The following NAP1L4 variants were observed in gnomAD, a reference collection of about 807,000 sequenced individuals.
The protein encoded by NAP1L4 is nucleosome assembly protein 1-like 4.
A neutral mutation model predicts 58.2 loss-of-function variants in NAP1L4; 15 were observed. The observed-to-expected ratio is 0.26, with a 90% CI of 0.17 to 0.40. The LOEUF (loss-of-function observed/expected upper bound fraction) is 0.40, where lower values mean the gene tolerates loss of function less well. Ranked by LOEUF, NAP1L4 falls within the 10% of genes least tolerant of loss-of-function variation. The pLI, the probability that NAP1L4 is intolerant of heterozygous loss-of-function variation, is 1.00. For missense variants in NAP1L4, 384 were observed against 451.1 expected, an observed-to-expected ratio of 0.85 and a Z score of 1.35; for synonymous variants, 171 against 155.6, an observed-to-expected ratio of 1.10 and a Z score of -0.74.
At chr11:2,987,952 C>T (rs948352563) in intron 1 of NAP1L4, 17 of 152,090 alleles carry the variant, frequency 1.1e-4, no homozygotes, top group Non-Finnish European at 1.9e-4. Context: ...CTCTGTGTTA[C>T]CAGTACCCAG....
chr11:2,991,084 G>A (rs1848935701), intron 1 of NAP1L4: 2 of 456,356 alleles, frequency 4.4e-6, no homozygotes, highest in South Asian at 3.1e-5. Context: ...GTGCCCCGAC[G>A]ATTCCTCCGA....
rs1846753184 is a variant in NAP1L4, at chr11:2,959,851, G to T, written c.665C>A (p.Thr222Lys). ...PNDYFTNSVL[T>K]KTYKMKSEPD... Reference sequence around the variant, plus strand: ...TTCTGATTTCATCTTGTAGGTTTTTGTCAGGACTGAGTTGGTAAAGTAGTC... The same window carrying T: ...TTCTGATTTCATCTTGTAGGTTTTTTTCAGGACTGAGTTGGTAAAGTAGTC... The change falls in exon 9 of 16, where the codon ACA becomes AAA. Residue 222 changes from threonine to lysine, a missense_variant. Physicochemically the swap from Thr to Lys is moderately conservative, Grantham distance 78 (BLOSUM62 -1). This residue lies in a region of NAP1L4 where 296 missense variants were observed against 360.8 expected (regional missense o/e 0.82). Transcript: ENST00000380542. The surrounding 1 kb of genome is among the most constrained non-coding windows in gnomAD (Gnocchi z 4.9). The T allele has an allele frequency of 6.2e-7, 1 of 1,614,196 alleles. No homozygotes were observed. Among genetic ancestry groups the T allele is most frequent in the Admixed American group, 1.7e-5 (1 of 60,028 alleles).
chr11:2,970,857 C>CAAA (rs138910365), intron 6 of NAP1L4, among the ~76,000 whole-genome samples: 1 of 111,602 alleles, frequency 9.0e-6, no homozygotes, highest in Admixed American at 8.0e-5. Context: ...CACCCCCCCC[C>CAAA]CAAAAAAAAA....
intron 1 of NAP1L4, among the ~76,000 whole-genome samples, chr11:2,984,773 T>C (rs1272275238): frequency 2.7e-5 from 4 of 147,754 alleles, no homozygotes; most frequent in Non-Finnish European, 6.0e-5. Context: ...AAACTGTTAA[T>C]GGAGACAAAT....
chr11:2,965,350 C>A (rs1460109607), intron 7 of NAP1L4, among the ~76,000 whole-genome samples: 1 of 152,222 alleles, frequency 6.6e-6, no homozygotes, highest in African/African-American at 2.4e-5. Context: ...TCCTACGCTG[C>A]AAACCTGAAC....
At chr11:2,958,031 G>A (rs1564976281) in intron 10 of NAP1L4, among the ~76,000 whole-genome samples, 1 of 152,224 alleles carries the variant, frequency 6.6e-6, no homozygotes, top group Non-Finnish European at 1.5e-5. Context: ...CAGCGGGGCA[G>A]AAATGCCAGC....
chr11:2,973,222 G>C (rs887566499), intron 4 of NAP1L4, among the ~76,000 whole-genome samples: 1 of 152,218 alleles, frequency 6.6e-6, no homozygotes, highest in Non-Finnish European at 1.5e-5. Context: ...GGTCAACTAT[G>C]AGTTTGCCTT....
intron 7 of NAP1L4, among the ~76,000 whole-genome samples, chr11:2,967,147 C>A (rs1407687873): frequency 6.6e-6 from 1 of 152,196 alleles, no homozygotes; most frequent in Non-Finnish European, 1.5e-5. Flanking sequence ...CGCATATCTA[C>A]AGTCCCAGCT....
At chr11:2,970,905 C>G (rs748600564) in intron 6 of NAP1L4, among the ~76,000 whole-genome samples, 8 of 150,984 alleles carry the variant, frequency 5.3e-5, no homozygotes, top group Non-Finnish European at 1.2e-4. Context: ...AGTTACTTGT[C>G]TCCCAAACAT....
At chr11:2,972,771 C>A (rs1847719446) in intron 4 of NAP1L4, among the ~76,000 whole-genome samples, 1 of 152,112 alleles carries the variant, frequency 6.6e-6, no homozygotes, top group East Asian at 1.9e-4. Flanking sequence ...GACTCCAAGA[C>A]CAGCCTGAGC....
In NAP1L4 at chr11:2,945,399, T is replaced by C. The variant is rs1206154042; in HGVS notation, c.*280A>G. The C allele has an allele frequency of 4.1e-5, 23 of 565,630 alleles. No homozygotes were observed. Among genetic ancestry groups the C allele is most frequent in the Non-Finnish European group, 7.2e-5 (23 of 318,886 alleles). The allele number at this position is 565,630 out of a possible 1,614,324, so 35.0% of individuals were successfully genotyped here. On this transcript the variant is annotated 3_prime_UTR_variant, in exon 16 of 16. Coordinates refer to ENST00000380542, the MANE Select transcript of NAP1L4 (RefSeq NM_005969.4). The stretch of plus-strand genomic sequence containing the variant: ...GCTGCAGAGGGTGCTGGACGAAACC[T>C]CCTATTTCTGAAATGCATTTCAGTT...
rs1425756117 is a variant in NAP1L4, at chr11:2,976,074, T to G, written c.123A>C (p.Leu41Phe). ...VMQNPRVLAALQERLDNVPHT... is the reference protein window; with the variant it reads ...VMQNPRVLAAFQERLDNVPHT... ...GAGGGACATTGTCAAGTCGCTCCTGTAAAGCTGCCAGAACTCGAGGATTCT... is the reference window on the plus strand; with the variant it reads ...GAGGGACATTGTCAAGTCGCTCCTGGAAAGCTGCCAGAACTCGAGGATTCT... The change falls in exon 4 of 16, where the codon TTA (leucine) becomes TTC (phenylalanine). Residue 41 changes from leucine (L) to phenylalanine (F), a missense_variant. Leu to Phe is a conservative substitution (Grantham distance 22). Transcript: ENST00000380542. The G allele has an allele frequency of 3.7e-6, 6 of 1,614,112 alleles. No individual in the cohort carries two copies. The highest frequency in any genetic ancestry group is 5.1e-6 in the Non-Finnish European group (6 of 1,180,010).
chr11:2,945,378 CAGAGGGT>C lies in NAP1L4; in HGVS notation c.*294_*300del, dbSNP rs1845886454. The C allele has an allele frequency of 5.8e-6, 3 of 520,388 alleles. No homozygotes were observed. In the East Asian group the frequency reaches 9.7e-5, roughly 17 times the overall value. 32.2% of individuals were successfully genotyped at this position (520,388 alleles called of 1,614,324 possible). ...TCCAGAGCTACAGGCACCAAGGCTGCAGAGGGTGCTGGACGAAACCTCCTATTTCTGA... is the reference window on the plus strand; with the variant it reads ...TCCAGAGCTACAGGCACCAAGGCTGCGCTGGACGAAACCTCCTATTTCTGA... On this transcript the variant is annotated 3_prime_UTR_variant, in exon 16 of 16. Coordinates refer to ENST00000380542, the MANE Select transcript of NAP1L4 (RefSeq NM_005969.4).
chr11:2,959,850 T>C lies in NAP1L4; in HGVS notation c.666A>G (p.Thr222=). The change falls in exon 9 of 16, where the codon ACA becomes ACG. Residue 222 remains threonine (T), a synonymous_variant. Coordinates refer to ENST00000380542, the MANE Select transcript of NAP1L4 (RefSeq NM_005969.4). This position sits in a 1 kb window ranked among gnomAD's most constrained non-coding sequence, Gnocchi z 4.9. The part of the protein sequence containing the change: ...PNDYFTNSVL[T]KTYKMKSEPD... ...GTTCTGATTTCATCTTGTAGGTTTT[T>C]GTCAGGACTGAGTTGGTAAAGTAGT... The C allele has an allele frequency of 6.2e-7, 1 of 1,614,226 alleles. No homozygotes were observed. Among genetic ancestry groups the C allele is most frequent in the East Asian group, 2.2e-5 (1 of 44,886 alleles).
chr11:2,968,387 G>A (rs1353228919), intron 7 of NAP1L4, among the ~76,000 whole-genome samples: 2 of 152,136 alleles, frequency 1.3e-5, no homozygotes, highest in African/African-American at 2.4e-5. Context: ...TGAAATTCTG[G>A]TGCATGGCAT....
chr11:2,958,123 C>G, intron 10 of NAP1L4: 1 of 616,656 alleles, frequency 1.6e-6, no homozygotes, highest in Non-Finnish European at 3.0e-6. Flanking sequence ...TAAAACAGAA[C>G]TGCAAGTTTT....
Position 2,949,398 on chromosome 11 carries a change from C to A in NAP1L4, c.1123-134G>T. The A allele has an allele frequency of 1.4e-6, 1 of 723,302 alleles. No homozygotes were observed. The allele number at this position is 723,302 out of a possible 1,614,324, so 44.8% of individuals were successfully genotyped here. On this transcript the variant is annotated intron_variant, in intron 14 of 15. Coordinates refer to ENST00000380542, the MANE Select transcript of NAP1L4 (RefSeq NM_005969.4). This position sits in a 1 kb window ranked among gnomAD's most constrained non-coding sequence, Gnocchi z 4.0. ...AAGATACTGAACTCGGGGTGAACAA[C>A]TTCAACACTAGATCATACTTTCAAA...
chr11:2,945,522 C>G lies in NAP1L4; in HGVS notation c.*157G>C. On this transcript the variant is annotated 3_prime_UTR_variant, in exon 16 of 16. Transcript: ENST00000380542. ...AGTTAGATGGAGTAAGCTCTGTCCACGGGATTGTGCTGCGGCAAGGACCGA... is the reference window on the plus strand; with the variant it reads ...AGTTAGATGGAGTAAGCTCTGTCCAGGGGATTGTGCTGCGGCAAGGACCGA... 7 of 1,179,506 alleles carry G rather than the reference C, an allele frequency of 5.9e-6. No individual in the cohort carries two copies. The highest frequency in any genetic ancestry group is 7.2e-6 in the Non-Finnish European group (6 of 839,028). 73.1% of individuals were successfully genotyped at this position (1,179,506 alleles called of 1,614,324 possible).
chr11:2,962,099 A>C (rs1248132335), intron 8 of NAP1L4, among the ~76,000 whole-genome samples: 1 of 140,658 alleles, frequency 7.1e-6, no homozygotes, highest in Non-Finnish European at 1.5e-5. Context: ...TCATGTCTGT[A>C]ATCCCAACTG....
Sources: allele counts gnomAD v4.1 joint callset (sites outside exome capture counted in the v4.1 genomes callset), GRCh38; gene constraint gnomAD v4.1.1; regional missense constraint gnomAD v4.1.1; non-coding constraint Gnocchi (gnomAD v3.1); transcripts MANE v1.5; gene names NCBI Gene and HGNC (gene_info 2026-07-23, HGNC 2026-07-21).